Variants in STAG1 observed in about 807,000 individuals in gnomAD.
STAG1 encodes the protein cohesin subunit SA-1.
In STAG1, 26 loss-of-function variants were observed where a neutral mutation model predicts 170.9. The ratio of observed to expected loss-of-function variants is 0.15; its 90% CI spans 0.11 to 0.21. The LOEUF is 0.21. Ranked by LOEUF, STAG1 falls within the 10% of genes least tolerant of loss-of-function variation. The pLI is 1.00. For missense variants in STAG1, 964 were observed against 1,509.5 expected (o/e 0.64, Z 5.99); for synonymous variants, 514 against 497.7 (o/e 1.03, Z -0.44).
At chr3:136,659,495 A>C (rs1941503465) in intron 1 of STAG1, among the ~76,000 whole-genome samples, 1 of 152,218 alleles carries the variant, frequency 6.6e-6, no homozygotes, top group African/African-American at 2.4e-5. Flanking sequence ...TTTCTGAAAT[A>C]CGTGTTATGC....
At chr3:136,496,367 G>A (rs1447404439) in intron 9 of STAG1, among the ~76,000 whole-genome samples, 1 of 152,034 alleles carries the variant, frequency 6.6e-6, no homozygotes, top group Non-Finnish European at 1.5e-5. Context: ...GGTATCTATA[G>A]GTATCTATTC....
chr3:136,656,176 AC>A (rs1191321766), intron 1 of STAG1, among the ~76,000 whole-genome samples: 2 of 151,974 alleles, frequency 1.3e-5, no homozygotes. Context: ...AAAAAAAAAA[AC>A]ACCAAATACT....
intron 23 of STAG1, among the ~76,000 whole-genome samples, chr3:136,377,412 A>T (rs1560071006): frequency 6.7e-6 from 1 of 149,700 alleles, no homozygotes; most frequent in Non-Finnish European, 1.5e-5. Flanking sequence ...AAAAGTCTAC[A>T]TTTCAACCTG....
At chr3:136,733,404 G>A (rs184986977) in intron 1 of STAG1, among the ~76,000 whole-genome samples, 30 of 152,098 alleles carry the variant, frequency 2.0e-4, no homozygotes, top group Admixed American at 1.4e-3. Flanking sequence ...ACTTTTTAAC[G>A]CACACTGACA....
chr3:136,721,955 C>T (rs185670619), intron 1 of STAG1, among the ~76,000 whole-genome samples: 227 of 151,012 alleles, frequency 1.5e-3, no homozygotes, highest in Non-Finnish European at 2.9e-3. Flanking sequence ...GGTGTGGTGG[C>T]TCACACCTGT....
intron 1 of STAG1, among the ~76,000 whole-genome samples, chr3:136,667,454 A>G (rs570533656): frequency 4.9e-4 from 75 of 152,344 alleles, no homozygotes; most frequent in Non-Finnish European, 3.2e-4. Context: ...CAGTGAGATT[A>G]TGACATAGGT....
intron 7 of STAG1, among the ~76,000 whole-genome samples, chr3:136,513,349 C>T (rs931853308): frequency 4.6e-5 from 7 of 150,756 alleles, no homozygotes; most frequent in African/African-American, 1.7e-4. Flanking sequence ...AGAGCAAGAC[C>T]CCGTCTCAAA....
At chr3:136,429,674 C>T (rs1289784626) in intron 16 of STAG1, among the ~76,000 whole-genome samples, 1 of 152,102 alleles carries the variant, frequency 6.6e-6, no homozygotes, top group Non-Finnish European at 1.5e-5. Flanking sequence ...AGCAAAAAGA[C>T]AGAAATTACA....
intron 22 of STAG1, among the ~76,000 whole-genome samples, chr3:136,380,121 TACTC>T (rs1240842269): frequency 2.6e-5 from 4 of 152,202 alleles, no homozygotes; most frequent in African/African-American, 7.2e-5. Flanking sequence ...AGAAAACTGA[TACTC>T]ACAGCACCCA....
At chr3:136,380,801 T>C (rs1576410115) in intron 22 of STAG1, among the ~76,000 whole-genome samples, 3 of 151,492 alleles carry the variant, frequency 2.0e-5, no homozygotes, top group East Asian at 2.0e-4. Flanking sequence ...TGGCGGATCA[T>C]CTGAGGTCAG....
intron 5 of STAG1, among the ~76,000 whole-genome samples, chr3:136,567,569 C>G (rs1284447594): frequency 6.6e-6 from 1 of 152,206 alleles, no homozygotes; most frequent in Non-Finnish European, 1.5e-5. Flanking sequence ...CAGAGACACA[C>G]AGCCTGGGCT....
chr3:136,397,983 G>T (rs1324248599), intron 22 of STAG1, among the ~76,000 whole-genome samples: 1 of 151,740 alleles, frequency 6.6e-6, no homozygotes, highest in Non-Finnish European at 1.5e-5. Flanking sequence ...TTTTGCTCTT[G>T]TTGCCCAGGC....
At chr3:136,360,552 A>G (rs552743330) in intron 26 of STAG1, among the ~76,000 whole-genome samples, 1 of 152,324 alleles carries the variant, frequency 6.6e-6, no homozygotes, top group African/African-American at 2.4e-5. Flanking sequence ...CTGGGTGCTA[A>G]TATGTTCTGC....
chr3:136,566,961 G>A (rs1937098598), intron 5 of STAG1, among the ~76,000 whole-genome samples: 2 of 152,240 alleles, frequency 1.3e-5, no homozygotes, highest in South Asian at 2.1e-4. Flanking sequence ...TTTTGTGTAC[G>A]ACAGGTGAGG....
intron 3 of STAG1, 141 bp downstream of exon 3, chr3:136,623,005 G>A (rs1939935354): frequency 1.6e-6 from 1 of 626,992 alleles, no homozygotes; most frequent in East Asian, 3.0e-5. Flanking sequence ...GACAATTTAT[G>A]TGAAAAAAAG....
intron 3 of STAG1, among the ~76,000 whole-genome samples, chr3:136,613,327 A>AAAAAAG (rs1939405788): frequency 6.6e-6 from 1 of 150,778 alleles, no homozygotes; most frequent in Admixed American, 6.6e-5. Context: ...AAAAAAAAAA[A>AAAAAAG]AAAAAAAAGA....
chr3:136,522,857 T>TG (rs1352686620), intron 6 of STAG1, among the ~76,000 whole-genome samples: 1 of 151,980 alleles, frequency 6.6e-6, no homozygotes, highest in Non-Finnish European at 1.5e-5. Flanking sequence ...CTGAGAATGA[T>TG]GGTTTCCAGC....
rs775751493 is a variant in STAG1, at chr3:136,422,822, T to C, written c.1779A>G (p.Leu593=). Residue 593 remains leucine (L), a synonymous_variant, in exon 18 of 34, where the codon CTA becomes CTG. Coordinates refer to ENST00000383202, the MANE Select transcript of STAG1 (RefSeq NM_005862.3). ...CTAAATCAAAATACTGTGGGATTTG[T>C]AGCAAGTTTGCTACCTTCTCTGCAT... ...SADAEKVANL[L]QIPQYFDLEI... 5.0e-6 allele frequency: 8 copies of C among 1,609,836 alleles called. No individual in the cohort carries two copies. Among genetic ancestry groups the C allele is most frequent in the East Asian group, 2.2e-5 (1 of 44,786 alleles).
chr3:136,362,454 T>C (rs1362812776), intron 26 of STAG1, among the ~76,000 whole-genome samples: 21 of 151,534 alleles, frequency 1.4e-4, no homozygotes, highest in Admixed American at 1.3e-3. Flanking sequence ...GATGTATACA[T>C]CTATTTAATC....
Sources: allele counts gnomAD v4.1 joint callset (sites outside exome capture counted in the v4.1 genomes callset), GRCh38; gene constraint gnomAD v4.1.1; transcripts MANE v1.5; gene names NCBI Gene and HGNC (gene_info 2026-07-23, HGNC 2026-07-21).